Variants in ARHGAP15 observed in about 807,000 individuals in gnomAD.
ARHGAP15 encodes the protein Rho GTPase activating protein 15.
In ARHGAP15, 51 loss-of-function variants were observed where a neutral mutation model predicts 63.7. The ratio of observed to expected loss-of-function variants is 0.80; its 90% CI spans 0.64 to 1.01. The LOEUF (loss-of-function observed/expected upper bound fraction) is 1.01, where lower values mean the gene tolerates loss of function less well. Among genes scored for constraint, ARHGAP15 ranks in the 50% least tolerant of loss-of-function variants. The pLI, the probability that ARHGAP15 is intolerant of heterozygous loss-of-function variation, is 0.00. For missense variants in ARHGAP15, 560 were observed against 564.6 expected (o/e 0.99, Z 0.08); for synonymous variants, 191 against 193.8 (o/e 0.99, Z 0.12).
At chr2:143,351,363 G>A (rs1013811928) in intron 6 of ARHGAP15, 1 of 152,150 alleles carries the variant, frequency 6.6e-6, no homozygotes, top group South Asian at 2.1e-4. Context: ...GAATTGTCCA[G>A]CAAATAACTG....
chr2:143,423,835 A>G (rs1053100714), intron 6 of ARHGAP15, among the ~76,000 whole-genome samples: 6 of 152,154 alleles, frequency 3.9e-5, no homozygotes, highest in Admixed American at 6.6e-5. Context: ...TGTAGGTATT[A>G]TTGTTTTTCT....
In ARHGAP15 at chr2:143,259,693, T is replaced by C. The variant is rs372088999; in HGVS notation, c.474+9093T>C. The stretch of plus-strand genomic sequence containing the variant: ...TGTGGACATCCTCTGGCCCTACATG[T>C]CATTCATCTGATGGCAGTCCTTTCT... On this transcript the variant is annotated intron_variant, in intron 6 of 13. Transcript: ENST00000295095. Among the ~76,000 whole-genome samples the C allele has an allele frequency of 1.1e-4, 16 of 152,320 alleles. No homozygotes were observed. The South Asian group carries it at 1.9e-3, about 18-fold the overall frequency.
chr2:143,579,656 A>G (rs940067564), intron 11 of ARHGAP15, among the ~76,000 whole-genome samples: 3 of 152,014 alleles, frequency 2.0e-5, no homozygotes, highest in Non-Finnish European at 4.4e-5. Flanking sequence ...CCCAGAGGCT[A>G]TGCCCCACTT....
intron 6 of ARHGAP15, among the ~76,000 whole-genome samples, chr2:143,273,207 A>G (rs1681382083): frequency 6.6e-6 from 1 of 152,168 alleles, no homozygotes; most frequent in African/African-American, 2.4e-5. Context: ...TAATATCCTC[A>G]TTTTCAAATT....
chr2:143,356,023 G>T (rs750625704), intron 6 of ARHGAP15, among the ~76,000 whole-genome samples: 3 of 151,606 alleles, frequency 2.0e-5, no homozygotes, highest in Admixed American at 2.0e-4. Flanking sequence ...CACAAAAATG[G>T]TCATTAGGTA....
intron 6 of ARHGAP15, among the ~76,000 whole-genome samples, chr2:143,402,763 A>C (rs1032029143): frequency 6.6e-6 from 1 of 151,914 alleles, no homozygotes; most frequent in South Asian, 2.1e-4. Context: ...TGAAGGAAAA[A>C]CCCCAGAAAC....
At chr2:143,325,825 A>C (rs1317527694) in intron 6 of ARHGAP15, among the ~76,000 whole-genome samples, 4 of 152,148 alleles carry the variant, frequency 2.6e-5, no homozygotes, top group Admixed American at 2.0e-4. Flanking sequence ...TCTATAATGC[A>C]CTTATTCAAT....
chr2:143,620,961 T>A (rs1014815628), intron 11 of ARHGAP15, among the ~76,000 whole-genome samples: 16 of 152,354 alleles, frequency 1.1e-4, no homozygotes, highest in African/African-American at 3.6e-4. Context: ...TGTGTGTATC[T>A]AATTTTCTAG....
chr2:143,508,288 T>C (rs1693413913), intron 9 of ARHGAP15, among the ~76,000 whole-genome samples: 1 of 152,166 alleles, frequency 6.6e-6, no homozygotes, highest in Non-Finnish European at 1.5e-5. Flanking sequence ...GCTCAGTCGG[T>C]CACTTCATTT....
chr2:143,221,652 A>G (rs1226292748), intron 4 of ARHGAP15, among the ~76,000 whole-genome samples: 1 of 152,204 alleles, frequency 6.6e-6, no homozygotes, highest in African/African-American at 2.4e-5. Flanking sequence ...CAGTATGTTT[A>G]TGAAGTCTCA....
rs1422868807 is a variant in ARHGAP15, at chr2:143,449,845, A to G, written c.703+12803A>G. On this transcript the variant is annotated intron_variant, in intron 8 of 13. Coordinates refer to ENST00000295095, the MANE Select transcript of ARHGAP15 (RefSeq NM_018460.4). ...CTTTTTTTAATTATAGGAAATGGAA[A>G]CCAAAATGGGCAAATAATCATTCTT... is the stretch of plus-strand genomic sequence containing the variant. 2.6e-5 allele frequency among the ~76,000 whole-genome samples: 4 copies of G among 151,952 alleles called. No individual in the cohort carries two copies. In the Admixed American group the frequency reaches 2.6e-4, roughly 10 times the overall value.
intron 3 of ARHGAP15, among the ~76,000 whole-genome samples, chr2:143,212,503 T>A (rs1692600599): frequency 6.6e-6 from 1 of 152,204 alleles, no homozygotes; most frequent in African/African-American, 2.4e-5. Context: ...TATACTTAGT[T>A]CAGGGACTGC....
At chr2:143,314,760 T>C (rs551542190) in intron 6 of ARHGAP15, among the ~76,000 whole-genome samples, 10 of 141,094 alleles carry the variant, frequency 7.1e-5, no homozygotes, top group Non-Finnish European at 1.2e-4. Context: ...GAAAGGATAA[T>C]GACCTTGCAA....
chr2:143,450,335 A>T (rs1329711278), intron 8 of ARHGAP15, among the ~76,000 whole-genome samples: 1 of 151,898 alleles, frequency 6.6e-6, no homozygotes, highest in Non-Finnish European at 1.5e-5. Flanking sequence ...TACCTTCCAG[A>T]ACTGCAGGTC....
At chr2:143,216,747 G>C (rs1042843753) in intron 4 of ARHGAP15, among the ~76,000 whole-genome samples, 1 of 152,166 alleles carries the variant, frequency 6.6e-6, no homozygotes. Context: ...TGAAAGATTA[G>C]AGAATGAATG....
chr2:143,283,801 C>T (rs1230276593), intron 6 of ARHGAP15, among the ~76,000 whole-genome samples: 2 of 152,090 alleles, frequency 1.3e-5, no homozygotes, highest in African/African-American at 4.8e-5. Context: ...GTCTTGTCTG[C>T]CTGAATTGTA....
At chr2:143,153,812 CTTCTTCTTCTTCTTCTTCTTCTTCTTCT>C (rs1689941958) in intron 1 of ARHGAP15, among the ~76,000 whole-genome samples, 1 of 75,810 alleles carries the variant, frequency 1.3e-5, no homozygotes, top group African/African-American at 4.8e-5. Context: ...TCTTCTTCTT[CTTCTTCTTCTTCTTCTTCTTCTTCTTCT>C]TCTTCCTCCT....
intron 11 of ARHGAP15, among the ~76,000 whole-genome samples, chr2:143,617,139 G>A (rs938366663): frequency 1.3e-5 from 2 of 152,172 alleles, no homozygotes; most frequent in Non-Finnish European, 2.9e-5. Context: ...ACTAATTCCA[G>A]CTTCAAATCT....
intron 12 of ARHGAP15, among the ~76,000 whole-genome samples, chr2:143,669,374 A>T (rs1391700355): frequency 1.3e-5 from 2 of 152,228 alleles, no homozygotes; most frequent in African/African-American, 4.8e-5. Flanking sequence ...ACCTATACCA[A>T]GATGGAACCC....
Sources: gnomAD v4.1 joint callset for allele counts (sites outside exome capture counted in the v4.1 genomes callset) on GRCh38, gnomAD v4.1.1 for gene constraint, MANE v1.5 for transcripts, NCBI Gene and HGNC (gene_info 2026-07-23, HGNC 2026-07-21) for gene names.